Variants in IL1RAPL1 observed in about 807,000 individuals in gnomAD.
The protein encoded by IL1RAPL1 is interleukin-1 receptor accessory protein-like 1.
IL1RAPL1 carries 3 observed loss-of-function variants against 48.4 expected under a neutral mutation model. That is an observed-to-expected ratio of 0.06 (90% CI 0.03 to 0.16). The LOEUF is 0.16. IL1RAPL1 is among the 10% of genes least tolerant of loss of function. The pLI, the probability that IL1RAPL1 is intolerant of heterozygous loss-of-function variation, is 1.00. For synonymous variants in IL1RAPL1, 185 were observed against 187.7 expected, an observed-to-expected ratio of 0.99 and a Z score of 0.12; for missense variants, 349 against 530.6, an observed-to-expected ratio of 0.66 and a Z score of 3.36.
At chrX:29,578,693 G>A (rs1014218821) in intron 5 of IL1RAPL1, among the ~76,000 whole-genome samples, 4 of 111,430 alleles carry the variant, frequency 3.6e-5, no homozygotes, top group African/African-American at 1.3e-4. Flanking sequence ...ATTTCTTACT[G>A]TCTTTATTTC....
At chrX:29,399,650 G>C (rs1045841546) in intron 5 of IL1RAPL1, among the ~76,000 whole-genome samples, 12 of 110,255 alleles carry the variant, frequency 1.1e-4, no homozygotes, top group South Asian at 3.9e-4. Context: ...GAAACCCTGT[G>C]TCTACTAAAA....
chrX:29,496,718 T>G (rs985786817), intron 5 of IL1RAPL1, among the ~76,000 whole-genome samples: 1 of 111,630 alleles, frequency 9.0e-6, no homozygotes, highest in Non-Finnish European at 1.9e-5. Context: ...ATTCCTTTAT[T>G]ATTTTAGTGC....
intron 1 of IL1RAPL1, among the ~76,000 whole-genome samples, chrX:28,647,933 C>G (rs1217438852): frequency 2.7e-5 from 3 of 111,629 alleles, no homozygotes; most frequent in African/African-American, 9.8e-5. Context: ...CTCTTCATAT[C>G]CCTGCTTATA....
At chrX:29,721,112 T>C (rs1400950180) in intron 6 of IL1RAPL1, among the ~76,000 whole-genome samples, 1 of 111,476 alleles carries the variant, frequency 9.0e-6, no homozygotes, top group Non-Finnish European at 1.9e-5. Context: ...GGGGTGGCTA[T>C]AGAGATTTCA....
intron 2 of IL1RAPL1, among the ~76,000 whole-genome samples, chrX:29,250,541 A>T (rs1367856873): frequency 8.9e-6 from 1 of 111,836 alleles, no homozygotes; most frequent in Non-Finnish European, 1.9e-5. Context: ...CTTCTGAAAT[A>T]ACAAGAGGTC....
intron 1 of IL1RAPL1, among the ~76,000 whole-genome samples, chrX:28,605,283 T>C (rs1280832289): frequency 1.8e-5 from 2 of 112,536 alleles, no homozygotes; most frequent in Non-Finnish European, 3.7e-5. Flanking sequence ...TTGACATTTG[T>C]CACTTACTTT....
At chrX:28,716,943 A>G (rs1265994331) in intron 1 of IL1RAPL1, among the ~76,000 whole-genome samples, 2 of 112,195 alleles carry the variant, frequency 1.8e-5, no homozygotes, top group Non-Finnish European at 3.8e-5. Flanking sequence ...AATGCAAGTC[A>G]AAACCACAAT....
At chrX:29,945,732 T>C (rs1933203049) in intron 9 of IL1RAPL1, among the ~76,000 whole-genome samples, 1 of 112,032 alleles carries the variant, frequency 8.9e-6, no homozygotes, top group African/African-American at 3.2e-5. Context: ...AGGGACACAT[T>C]CACTCAGTTC....
At chrX:28,900,625 A>C (rs914676398) in intron 2 of IL1RAPL1, among the ~76,000 whole-genome samples, 2 of 112,506 alleles carry the variant, frequency 1.8e-5, no homozygotes, top group African/African-American at 6.5e-5. Flanking sequence ...AAAAGTATCA[A>C]ATGATAAAAC....
intron 5 of IL1RAPL1, among the ~76,000 whole-genome samples, chrX:29,465,512 A>G (rs1297909717): frequency 8.9e-6 from 1 of 111,952 alleles, no homozygotes; most frequent in Non-Finnish European, 1.9e-5. Flanking sequence ...CAAGTTGACT[A>G]ACTATAAACT....
intron 2 of IL1RAPL1, among the ~76,000 whole-genome samples, chrX:28,939,424 C>A (rs1361939985): frequency 9.0e-6 from 1 of 110,769 alleles, no homozygotes; most frequent in Non-Finnish European, 1.9e-5. Context: ...AGCAAGCTAA[C>A]ACAGGAATAG....
intron 3 of IL1RAPL1, among the ~76,000 whole-genome samples, chrX:29,389,974 G>T (rs1282125174): frequency 3.6e-5 from 4 of 112,012 alleles, no homozygotes; most frequent in South Asian, 7.4e-4. Flanking sequence ...AACATACTGT[G>T]TTTAAGAAAG....
chrX:29,601,791 T>C (rs28609930), intron 5 of IL1RAPL1, among the ~76,000 whole-genome samples: 12,476 of 111,481 alleles, frequency 0.11, 654 homozygotes, highest in Middle Eastern at 0.17. Context: ...ACACAACATA[T>C]AGAGATCTGT....
At chrX:29,592,603 G>A (rs928474878) in intron 5 of IL1RAPL1, among the ~76,000 whole-genome samples, 1 of 111,965 alleles carries the variant, frequency 8.9e-6, no homozygotes, top group Non-Finnish European at 1.9e-5. Context: ...TCATATGAAA[G>A]TTCTTGCTCC....
At chrX:29,313,272 TGTGTGTGTGTGTGTGC>T (rs1569283091) in intron 3 of IL1RAPL1, among the ~76,000 whole-genome samples, 1 of 82,243 alleles carries the variant, frequency 1.2e-5, no homozygotes, top group African/African-American at 3.6e-5. Flanking sequence ...TGTGTGTGTG[TGTGTGTGTGTGTGTGC>T]GCGCGCACAT....
chrX:28,969,366 TAG>T, intron 2 of IL1RAPL1, among the ~76,000 whole-genome samples: 1 of 111,571 alleles, frequency 9.0e-6, no homozygotes, highest in East Asian at 2.8e-4. Context: ...ACATGATTTT[TAG>T]TCTCATTCTC....
chrX:29,274,867 C>T (rs1401129637), intron 2 of IL1RAPL1, among the ~76,000 whole-genome samples: 1 of 110,841 alleles, frequency 9.0e-6, no homozygotes, highest in East Asian at 2.8e-4. Context: ...TCCTAGACTC[C>T]TTCTCCTCCT....
intron 6 of IL1RAPL1, among the ~76,000 whole-genome samples, chrX:29,816,364 T>C (rs1192162489): frequency 9.0e-6 from 1 of 110,985 alleles, no homozygotes; most frequent in African/African-American, 3.3e-5. Flanking sequence ...TCTCCCAAGA[T>C]TGAACCAGGA....
At chrX:29,782,471 T>A (rs1200578299) in intron 6 of IL1RAPL1, among the ~76,000 whole-genome samples, 1 of 111,565 alleles carries the variant, frequency 9.0e-6, no homozygotes, top group Non-Finnish European at 1.9e-5. Flanking sequence ...TCCTCTTTTA[T>A]ACTTTGTACT....
Sources: gnomAD v4.1 joint callset for allele counts (sites outside exome capture counted in the v4.1 genomes callset) on GRCh38, gnomAD v4.1.1 for gene constraint, MANE v1.5 for transcripts, NCBI Gene and HGNC (gene_info 2026-07-23, HGNC 2026-07-21) for gene names.